Variants in ATP8A1 observed in about 807,000 individuals in gnomAD.
ATP8A1 encodes phospholipid-transporting ATPase IA.
ATP8A1 carries 90 observed loss-of-function variants against 177.7 expected under a neutral mutation model. The ratio of observed to expected loss-of-function variants is 0.51; its 90% CI spans 0.43 to 0.60. The LOEUF (loss-of-function observed/expected upper bound fraction) is 0.60. Ranked by LOEUF, ATP8A1 falls within the 20% of genes least tolerant of loss-of-function variation. The pLI, the probability that ATP8A1 is intolerant of heterozygous loss-of-function variation, is 0.00. For synonymous variants in ATP8A1, 493 were observed against 485.9 expected, an observed-to-expected ratio of 1.01 and a Z score of -0.19; for missense variants, 1,072 against 1,392.8, an observed-to-expected ratio of 0.77 and a Z score of 3.67.
intron 22 of ATP8A1, 25 bp from the exon 23 acceptor site, chr4:42,507,179 G>A: frequency 6.2e-7 from 1 of 1,609,616 alleles, no homozygotes; most frequent in East Asian, 2.2e-5. Context: ...TGGTAGAAAT[G>A]TTTTAAAAAT....
At chr4:42,415,409 T>C (rs1306183188) in intron 35 of ATP8A1, among the ~76,000 whole-genome samples, 1 of 152,194 alleles carries the variant, frequency 6.6e-6, no homozygotes, top group Non-Finnish European at 1.5e-5. Context: ...CAGATAATTA[T>C]GTAACTTCTA....
At chr4:42,605,701 T>C (rs1735730782) in intron 5 of ATP8A1, among the ~76,000 whole-genome samples, 1 of 152,160 alleles carries the variant, frequency 6.6e-6, no homozygotes, top group South Asian at 2.1e-4. Flanking sequence ...TCAAACTTAT[T>C]TACCTCCTTT....
chr4:42,649,725 C>T (rs1182966793), intron 1 of ATP8A1, among the ~76,000 whole-genome samples: 2 of 152,244 alleles, frequency 1.3e-5, no homozygotes, highest in East Asian at 1.9e-4. Flanking sequence ...CTCACAAAAA[C>T]GCTCCTTTGG....
chr4:42,585,704 G>T (rs138733345), intron 9 of ATP8A1, among the ~76,000 whole-genome samples: 1 of 151,926 alleles, frequency 6.6e-6, no homozygotes, highest in African/African-American at 2.4e-5. Context: ...ATATTTATCT[G>T]CTTTGTTCAC....
chr4:42,607,310 A>G (rs17532343), intron 5 of ATP8A1, among the ~76,000 whole-genome samples: 34,250 of 152,212 alleles, frequency 0.23, 4,344 homozygotes, highest in Non-Finnish European at 0.29. Context: ...GATAAAGTTA[A>G]AAATCAGCTC....
In ATP8A1 at chr4:42,443,643, G is replaced by A. The variant is rs762946178; in HGVS notation, c.3045C>T (p.Ile1015=). ...WFSHIAIWGS[I]ALWVVFFGIY... is the part of the protein sequence containing the mutation. ...TTCCAAAAAACACCACCCAGAGTGC[G>A]ATGCTCCCCCATATCGCTATGTGGC... Residue 1015 remains isoleucine, a synonymous_variant, in exon 33 of 37, where the codon ATC becomes ATT. Coordinates refer to ENST00000381668, the MANE Select transcript of ATP8A1 (RefSeq NM_006095.2). 3.2e-6 allele frequency: 5 copies of A among 1,562,778 alleles called. No homozygotes were observed. Among genetic ancestry groups the A allele is most frequent in the Middle Eastern group, 1.7e-4 (1 of 5,966 alleles).
intron 5 of ATP8A1, among the ~76,000 whole-genome samples, chr4:42,615,229 T>A (rs1736782903): frequency 6.6e-6 from 1 of 152,212 alleles, no homozygotes; most frequent in African/African-American, 2.4e-5. Flanking sequence ...AAAATTGGCA[T>A]ATAATGCCTA....
chr4:42,611,468 C>G (rs564123497), intron 5 of ATP8A1, among the ~76,000 whole-genome samples: 1 of 152,296 alleles, frequency 6.6e-6, no homozygotes, highest in African/African-American at 2.4e-5. Flanking sequence ...GATCGCAGCT[C>G]TATCTCCCAC....
At chr4:42,572,789 G>C (rs1403454816) in intron 14 of ATP8A1, among the ~76,000 whole-genome samples, 1 of 152,134 alleles carries the variant, frequency 6.6e-6, no homozygotes, top group Non-Finnish European at 1.5e-5. Context: ...AAATGGTTTG[G>C]TCTCACTATC....
At chr4:42,509,849 C>CAAAA (rs751055015) in intron 22 of ATP8A1, among the ~76,000 whole-genome samples, 18 of 78,970 alleles carry the variant, frequency 2.3e-4, no homozygotes, top group South Asian at 9.0e-4. Context: ...GAGACAGTCT[C>CAAAA]AAAAAAAAAA....
In ATP8A1 at chr4:42,410,770, A is replaced by G. The variant is rs548134948; in HGVS notation, c.*2146T>C. The G allele has an allele frequency of 2.6e-5, 4 of 152,266 alleles. No individual in the cohort carries two copies. Among genetic ancestry groups the G allele is most frequent in the Non-Finnish European group, 5.9e-5 (4 of 68,026 alleles). The allele number at this position is 152,266 out of a possible 1,614,324, so 9.4% of individuals were successfully genotyped here. A position where few individuals can be genotyped will look rare whatever the true frequency, so the allele number is the denominator to read the frequency against. On this transcript the variant is annotated 3_prime_UTR_variant, in exon 37 of 37. Coordinates refer to ENST00000381668, the MANE Select transcript of ATP8A1 (RefSeq NM_006095.2). ...ATCCACGTTTCAAGATTAAAATAAA[A>G]CTTACATTTTTAAGTCAGAAAATCC...
chr4:42,517,914 C>T (rs1173878792), intron 22 of ATP8A1, among the ~76,000 whole-genome samples: 1 of 152,124 alleles, frequency 6.6e-6, no homozygotes, highest in Non-Finnish European at 1.5e-5. Flanking sequence ...TTTCACTTTC[C>T]ATATCCTCCT....
chr4:42,428,806 GATGCCTGGAAAGCGCCC>G, intron 33 of ATP8A1, among the ~76,000 whole-genome samples: 1 of 152,172 alleles, frequency 6.6e-6, no homozygotes, highest in East Asian at 1.9e-4. Flanking sequence ...AACATGTTTT[GATGCCTGGAAAGCGCCC>G]ATGCTCACTC....
At chr4:42,573,620 T>C (rs888354061) in intron 14 of ATP8A1, among the ~76,000 whole-genome samples, 4 of 152,232 alleles carry the variant, frequency 2.6e-5, no homozygotes, top group Non-Finnish European at 4.4e-5. Context: ...ATATAGTTTA[T>C]AGTCATTTTT....
intron 29 of ATP8A1, among the ~76,000 whole-genome samples, chr4:42,452,317 G>T (rs1464634851): frequency 2.0e-5 from 3 of 151,368 alleles, no homozygotes; most frequent in Non-Finnish European, 2.9e-5. Flanking sequence ...TTAAATTTCT[G>T]CCTGAAAAAG....
Position 42,446,642 on chromosome 4 carries a change from T to C in ATP8A1, c.2899A>G (p.Thr967Ala). ...WFPLKALQYG[T>A]AFGNGKTSDY... is the part of the protein sequence containing the mutation. ...GAGGTTTTCCCATTTCCAAATGCAG[T>C]ACCTGTACGAAAAGGAGAGGCCTAT... is the stretch of plus-strand genomic sequence containing the variant. The change falls in exon 31 of 37, where the codon ACT (threonine) becomes GCT (alanine). Residue 967 changes from threonine (T) to alanine (A), a missense_variant and splice_region_variant. Physicochemically the swap from Thr to Ala is moderately conservative, Grantham distance 58 (BLOSUM62 0). This residue lies in a region of ATP8A1 where 316 missense variants were observed against 459.1 expected (regional missense o/e 0.69). Transcript: ENST00000381668. 1 of 1,613,262 alleles carries C rather than the reference T, an allele frequency of 6.2e-7. No homozygotes were observed. The highest frequency in any genetic ancestry group is 1.6e-4 in the Middle Eastern group (1 of 6,062).
intron 14 of ATP8A1, among the ~76,000 whole-genome samples, chr4:42,573,490 A>G (rs1233188366): frequency 2.0e-5 from 3 of 152,208 alleles, no homozygotes; most frequent in Admixed American, 2.0e-4. Context: ...ATCTTCAGAT[A>G]AAGAAGAAAG....
intron 31 of ATP8A1, among the ~76,000 whole-genome samples, chr4:42,446,145 G>A (rs2153175535): frequency 6.9e-6 from 1 of 145,680 alleles, no homozygotes; most frequent in African/African-American, 2.5e-5. Context: ...ATACTCTCCT[G>A]AGACCTGGAT....
intron 15 of ATP8A1, among the ~76,000 whole-genome samples, chr4:42,560,796 T>C (rs1236510516): frequency 6.6e-6 from 1 of 152,108 alleles, no homozygotes; most frequent in Non-Finnish European, 1.5e-5. Context: ...GAAAAGTCTA[T>C]GATTTTCAAC....
Sources: gnomAD v4.1 joint callset for allele counts (sites outside exome capture counted in the v4.1 genomes callset) on GRCh38, gnomAD v4.1.1 for gene constraint, gnomAD v4.1.1 regional missense constraint, MANE v1.5 for transcripts, NCBI Gene and HGNC (gene_info 2026-07-23, HGNC 2026-07-21) for gene names.